Variants in TMOD3 observed in about 807,000 individuals in gnomAD.
TMOD3 encodes the protein tropomodulin 3.
In TMOD3, 20 loss-of-function variants were observed where a neutral mutation model predicts 39.2. That is an observed-to-expected ratio of 0.51 (90% CI 0.36 to 0.74). The LOEUF (loss-of-function observed/expected upper bound fraction) is 0.74. TMOD3 is among the 30% of genes least tolerant of loss of function. TMOD3 has a pLI of 0.00. For synonymous variants in TMOD3, 143 were observed against 145.8 expected (o/e 0.98, Z 0.14); for missense variants, 381 against 412.8 (o/e 0.92, Z 0.67).
intron 3 of TMOD3, among the ~76,000 whole-genome samples, chr15:51,878,374 A>ATGTGTGTGTGTGTG (rs1445627118): frequency 2.5e-5 from 2 of 80,766 alleles, no homozygotes; most frequent in Non-Finnish European, 5.2e-5. Context: ...TCTTTAAAAT[A>ATGTGTGTGTGTGTG]TATGTGTGTG....
intron 1 of TMOD3, chr15:51,860,761 C>A: frequency 2.7e-6 from 1 of 369,912 alleles, no homozygotes. Context: ...CAAGGTGAAA[C>A]CCCGTCTCTA....
At chr15:51,901,619 T>TGTG in intron 8 of TMOD3, 1 of 311,468 alleles carries the variant, frequency 3.2e-6, no homozygotes, top group South Asian at 3.2e-5. Flanking sequence ...GTGTATAAAG[T>TGTG]TCCAGTGAGG....
At chr15:51,832,612 A>G (rs1473616210) in intron 1 of TMOD3, among the ~76,000 whole-genome samples, 1 of 151,836 alleles carries the variant, frequency 6.6e-6, no homozygotes, top group Non-Finnish European at 1.5e-5. Context: ...CAGGAGTACC[A>G]CTTGAGCCCA....
intron 9 of TMOD3, 56 bp downstream of exon 9, chr15:51,902,092 G>A (rs1387149030): frequency 3.2e-6 from 5 of 1,582,280 alleles, no homozygotes; most frequent in Non-Finnish European, 4.3e-6. Context: ...ACGTATTGGG[G>A]GAACTTCTTT....
intron 7 of TMOD3, 57 bp downstream of exon 7, chr15:51,896,583 G>A: frequency 7.5e-7 from 1 of 1,329,532 alleles, no homozygotes; most frequent in Non-Finnish European, 1.1e-6. Context: ...GTGTTACAGT[G>A]GTGATTTTTA....
intron 1 of TMOD3, among the ~76,000 whole-genome samples, chr15:51,831,731 T>C (rs958256718): frequency 6.6e-6 from 1 of 152,178 alleles, no homozygotes; most frequent in Middle Eastern, 3.2e-3. Flanking sequence ...TTGCTAGTTT[T>C]TCTTTTTTCT....
chr15:51,900,361 C>A, intron 8 of TMOD3, 63 bp downstream of exon 8: 3 of 1,576,796 alleles, frequency 1.9e-6, no homozygotes, highest in Non-Finnish European at 2.6e-6. Flanking sequence ...TAGGGCTTGG[C>A]GACTCAGGAT....
chr15:51,896,275 T>G, intron 6 of TMOD3, 144 bp from the exon 7 acceptor site: 1 of 590,134 alleles, frequency 1.7e-6, no homozygotes, highest in Non-Finnish European at 3.0e-6. Context: ...CTGCATTATT[T>G]GTATTCATTT....
chr15:51,894,453 CT>C (rs1566866215), intron 6 of TMOD3, among the ~76,000 whole-genome samples: 3 of 152,130 alleles, frequency 2.0e-5, no homozygotes, highest in Admixed American at 1.3e-4. Flanking sequence ...AAAATTCTCC[CT>C]TTTAGTGTCC....
chr15:51,877,842 A>T (rs542159259), intron 3 of TMOD3, among the ~76,000 whole-genome samples: 2 of 152,118 alleles, frequency 1.3e-5, no homozygotes, highest in East Asian at 3.9e-4. Context: ...AACAGGTTCT[A>T]TTCCCAGCTC....
chr15:51,836,639 C>G (rs956085908), intron 1 of TMOD3, among the ~76,000 whole-genome samples: 1 of 151,092 alleles, frequency 6.6e-6, no homozygotes, highest in Admixed American at 6.6e-5. Context: ...GCAGGAGAAT[C>G]GCTTGAACCT....
intron 3 of TMOD3, among the ~76,000 whole-genome samples, chr15:51,877,005 G>C (rs1337932753): frequency 1.3e-5 from 2 of 152,124 alleles, no homozygotes; most frequent in African/African-American, 4.8e-5. Context: ...CATTGCTGCA[G>C]TGATCCATGC....
At chr15:51,877,831 G>A (rs1299568971) in intron 3 of TMOD3, among the ~76,000 whole-genome samples, 1 of 152,164 alleles carries the variant, frequency 6.6e-6, no homozygotes, top group Non-Finnish European at 1.5e-5. Context: ...TGGCTGGTGG[G>A]AACAGGTTCT....
chr15:51,883,549 A>G (rs781415874), intron 3 of TMOD3, among the ~76,000 whole-genome samples: 2 of 152,156 alleles, frequency 1.3e-5, no homozygotes, highest in African/African-American at 2.4e-5. Context: ...TAAATTTGAC[A>G]TACATATTAG....
intron 7 of TMOD3, among the ~76,000 whole-genome samples, chr15:51,899,471 G>T (rs1161122043): frequency 6.6e-6 from 1 of 152,074 alleles, no homozygotes; most frequent in Admixed American, 6.6e-5. Flanking sequence ...TTTGAGACCA[G>T]CCTGGGCAAC....
intron 2 of TMOD3, among the ~76,000 whole-genome samples, chr15:51,866,461 C>T (rs7162925): frequency 1.3e-5 from 2 of 151,432 alleles, no homozygotes; most frequent in Non-Finnish European, 2.9e-5. Context: ...CTGTCTCCCC[C>T]CTACCCAAAA....
Position 51,830,425 on chromosome 15 carries a change from T to G in TMOD3, c.-75+589T>G, listed in dbSNP as rs563955635. Among the ~76,000 whole-genome samples the G allele has an allele frequency of 1.5e-4, 23 of 152,380 alleles. No homozygotes were observed. The South Asian group carries it at 2.3e-3, about 15-fold the overall frequency. On this transcript the variant is annotated intron_variant, in intron 1 of 9. Transcript: ENST00000308580. ...TGTTAGTTTGTTTTGAGGACGTGAC[T>G]GTGTCGTTATATTTTTGCTTGCGGG...
intron 7 of TMOD3, 76 bp downstream of exon 7, chr15:51,896,602 A>G (rs2056622290): frequency 1.9e-6 from 2 of 1,049,404 alleles, no homozygotes; most frequent in Non-Finnish European, 2.9e-6. Context: ...TATGAACAAG[A>G]TTTACCCCTT....
intron 1 of TMOD3, among the ~76,000 whole-genome samples, chr15:51,830,217 C>A (rs1254074766): frequency 3.9e-5 from 6 of 152,200 alleles, no homozygotes; most frequent in African/African-American, 1.4e-4. Flanking sequence ...GGCACCGAGC[C>A]TCCTTCAAAG....
Sources: gnomAD v4.1 joint callset for allele counts (sites outside exome capture counted in the v4.1 genomes callset) on GRCh38, gnomAD v4.1.1 for gene constraint, MANE v1.5 for transcripts, NCBI Gene and HGNC (gene_info 2026-07-23, HGNC 2026-07-21) for gene names.